The following CAB39 variants were observed in gnomAD, a reference collection of about 807,000 sequenced individuals.
The protein encoded by CAB39 is calcium-binding protein 39.
CAB39 carries 8 observed loss-of-function variants against 40.0 expected under a neutral mutation model. That is an observed-to-expected ratio of 0.20 (90% CI 0.12 to 0.36). The LOEUF (loss-of-function observed/expected upper bound fraction) is 0.36, where lower values mean the gene tolerates loss of function less well. CAB39 is among the 10% of genes least tolerant of loss of function. The pLI is 1.00. For missense variants in CAB39, 270 were observed against 401.1 expected (o/e 0.67, Z 2.79); for synonymous variants, 156 against 141.6 (o/e 1.10, Z -0.72).
intron 1 of CAB39, among the ~76,000 whole-genome samples, chr2:230,738,619 A>G (rs555401919): frequency 1.3e-5 from 2 of 152,348 alleles, no homozygotes; most frequent in South Asian, 2.1e-4. Context: ...CTGTGACTCT[A>G]AATACTGCTG....
chr2:230,776,625 A>G (rs558805179), intron 2 of CAB39, among the ~76,000 whole-genome samples: 72 of 152,248 alleles, frequency 4.7e-4, no homozygotes, highest in African/African-American at 1.7e-3. Flanking sequence ...TGTGAGTGTC[A>G]CTAGTTCATT....
intron 1 of CAB39, among the ~76,000 whole-genome samples, chr2:230,730,982 AAC>A (rs1448454526): frequency 1.3e-5 from 2 of 152,220 alleles, no homozygotes; most frequent in African/African-American, 4.8e-5. Flanking sequence ...TTAAAATTTT[AAC>A]AGTCATTTTA....
At chr2:230,765,669 G>A (rs1223587046) in intron 2 of CAB39, among the ~76,000 whole-genome samples, 1 of 151,998 alleles carries the variant, frequency 6.6e-6, no homozygotes, top group African/African-American at 2.4e-5. Flanking sequence ...TCAACCAGGG[G>A]CAATTTTGCC....
intron 1 of CAB39, among the ~76,000 whole-genome samples, chr2:230,721,193 G>C (rs960472070): frequency 6.6e-6 from 1 of 152,236 alleles, no homozygotes; most frequent in Non-Finnish European, 1.5e-5. Context: ...CACTTTGGGA[G>C]ACCAAGGTGG....
intron 1 of CAB39, among the ~76,000 whole-genome samples, chr2:230,721,322 T>G (rs1343646147): frequency 6.6e-6 from 1 of 152,150 alleles, no homozygotes; most frequent in East Asian, 1.9e-4. Flanking sequence ...TCCCAGCTAC[T>G]TAGAAGGCTG....
chr2:230,740,743 A>G lies in CAB39; in HGVS notation c.-43-19216A>G, dbSNP rs1694862003. ...GACAGTAGGCAGAGCTCAGGCAGTA[A>G]TGCTCTCTCACCCACTGCTCACCTC... is the stretch of plus-strand genomic sequence containing the variant. On this transcript the variant is annotated intron_variant, in intron 1 of 8. Transcript: ENST00000258418. Among the ~76,000 whole-genome samples, 3 of 152,110 alleles carry G rather than the reference A, an allele frequency of 2.0e-5. 1 individual carries two copies. In the South Asian group the frequency reaches 6.2e-4, roughly 31 times the overall value.
intron 1 of CAB39, chr2:230,725,098 C>T: frequency 1.2e-6 from 2 of 1,605,748 alleles, no homozygotes; most frequent in Non-Finnish European, 1.7e-6. Context: ...TACTCGGCTG[C>T]AAACTCTGGT....
intron 1 of CAB39, among the ~76,000 whole-genome samples, chr2:230,756,407 C>G (rs1193216898): frequency 6.6e-6 from 1 of 152,162 alleles, no homozygotes; most frequent in Non-Finnish European, 1.5e-5. Flanking sequence ...TCATATAATG[C>G]AGTCAATCAT....
chr2:230,731,643 C>T (rs1694691827), intron 1 of CAB39, among the ~76,000 whole-genome samples: 1 of 152,192 alleles, frequency 6.6e-6, no homozygotes, highest in Non-Finnish European at 1.5e-5. Flanking sequence ...GCTAGGACTA[C>T]AGACGAGCAC....
chr2:230,741,839 A>G (rs1447131048), intron 1 of CAB39, among the ~76,000 whole-genome samples: 1 of 152,174 alleles, frequency 6.6e-6, no homozygotes, highest in East Asian at 1.9e-4. Flanking sequence ...GCTTCCCCCA[A>G]AATAACTTAG....
intron 2 of CAB39, among the ~76,000 whole-genome samples, chr2:230,780,993 G>A (rs1163826804): frequency 6.6e-6 from 1 of 151,642 alleles, no homozygotes; most frequent in African/African-American, 2.4e-5. Context: ...GAGGTGGGAG[G>A]ATCACTTGAG....
chr2:230,769,834 A>G (rs1470096677), intron 2 of CAB39, among the ~76,000 whole-genome samples: 1 of 151,562 alleles, frequency 6.6e-6, no homozygotes, highest in Non-Finnish European at 1.5e-5. Flanking sequence ...CAAAAAAAAA[A>G]AAAAGGGCCG....
intron 1 of CAB39, among the ~76,000 whole-genome samples, chr2:230,759,428 G>A (rs772183417): frequency 9.9e-5 from 15 of 152,214 alleles, no homozygotes; most frequent in African/African-American, 1.7e-4. Context: ...TGCCTCAGCT[G>A]TAAAATAGAT....
intron 7 of CAB39, 44 bp from the exon 8 acceptor site, chr2:230,817,706 TTTTC>T (rs780026610): frequency 7.6e-6 from 11 of 1,456,182 alleles, no homozygotes; most frequent in Non-Finnish European, 1.0e-5. Flanking sequence ...AAACTTTGAT[TTTTC>T]TTTAAGTTTT....
At chr2:230,809,765 C>T (rs555260720) in intron 5 of CAB39, among the ~76,000 whole-genome samples, 1 of 152,218 alleles carries the variant, frequency 6.6e-6, no homozygotes, top group South Asian at 2.1e-4. Flanking sequence ...AAAAAATTTG[C>T]GTTAGCTATG....
chr2:230,813,200 T>C (rs1696334750), intron 6 of CAB39, among the ~76,000 whole-genome samples: 1 of 152,194 alleles, frequency 6.6e-6, no homozygotes, highest in Admixed American at 6.5e-5. Flanking sequence ...TAACTGGCCT[T>C]GTCTACTAGG....
chr2:230,783,305 G>C (rs113732923), intron 2 of CAB39, among the ~76,000 whole-genome samples: 2,454 of 152,290 alleles, frequency 0.016, 66 homozygotes, highest in African/African-American at 0.055. Flanking sequence ...TCCTTGTTCA[G>C]TGCTGTAACT....
chr2:230,764,148 A>T (rs536865870), intron 2 of CAB39, among the ~76,000 whole-genome samples: 1 of 152,162 alleles, frequency 6.6e-6, no homozygotes, highest in East Asian at 1.9e-4. Flanking sequence ...AAACAAAGAA[A>T]GTACAAATGG....
intron 4 of CAB39, among the ~76,000 whole-genome samples, chr2:230,794,183 C>CA (rs1407766876): frequency 6.6e-6 from 1 of 152,178 alleles, no homozygotes; most frequent in African/African-American, 2.4e-5. Flanking sequence ...CAGTCTGATT[C>CA]ACGTCTCTGC....
Sources: gnomAD v4.1 joint callset for allele counts (sites outside exome capture counted in the v4.1 genomes callset) on GRCh38, gnomAD v4.1.1 for gene constraint, MANE v1.5 for transcripts, NCBI Gene and HGNC (gene_info 2026-07-23, HGNC 2026-07-21) for gene names.